KCNT2: variants seen among roughly 807,000 people sequenced by gnomAD.
The protein encoded by KCNT2 is potassium sodium-activated channel subfamily T member 2, also known as potassium channel subfamily T member 2.
KCNT2 carries 67 observed loss-of-function variants against 153.8 expected under a neutral mutation model. The observed-to-expected ratio is 0.44, with a 90% CI of 0.36 to 0.53. KCNT2 has a LOEUF of 0.53. Among genes scored for constraint, KCNT2 ranks in the 20% least tolerant of loss-of-function variants. The pLI is 0.00. For synonymous variants in KCNT2, 500 were observed against 458.8 expected (o/e 1.09, Z -1.15); for missense variants, 975 against 1,354.8 (o/e 0.72, Z 4.40).
At chr1:196,263,149 T>C (rs1657178492) in intron 25 of KCNT2, among the ~76,000 whole-genome samples, 1 of 152,088 alleles carries the variant, frequency 6.6e-6, no homozygotes, top group Admixed American at 6.6e-5. Context: ...CTCTTAGGTA[T>C]CTTTCAGTTC....
chr1:196,493,336 G>T (rs981149360), intron 1 of KCNT2, among the ~76,000 whole-genome samples: 2 of 144,464 alleles, frequency 1.4e-5, no homozygotes, highest in Non-Finnish European at 1.5e-5. Flanking sequence ...TCTTTTTTTT[G>T]GGGGGGAGAT....
At chr1:196,438,896 T>A (rs1317057452) in intron 8 of KCNT2, among the ~76,000 whole-genome samples, 1 of 151,960 alleles carries the variant, frequency 6.6e-6, no homozygotes, top group African/African-American at 2.4e-5. Flanking sequence ...GAATTTTCTC[T>A]TTTTATATTA....
At chr1:196,601,337 G>A (rs1194950039) in intron 1 of KCNT2, among the ~76,000 whole-genome samples, 1 of 152,122 alleles carries the variant, frequency 6.6e-6, no homozygotes, top group Non-Finnish European at 1.5e-5. Context: ...TTATAGCCTA[G>A]CACAACTGTA....
At chr1:196,392,702 G>A (rs1670593718) in intron 13 of KCNT2, among the ~76,000 whole-genome samples, 1 of 151,328 alleles carries the variant, frequency 6.6e-6, no homozygotes, top group African/African-American at 2.4e-5. Context: ...CAAAATGGAT[G>A]ATGGCTAAGC....
chr1:196,547,460 C>T (rs1454674043), intron 1 of KCNT2, among the ~76,000 whole-genome samples: 1 of 151,946 alleles, frequency 6.6e-6, no homozygotes, highest in Non-Finnish European at 1.5e-5. Context: ...TCACAATGTT[C>T]TCATTATAGA....
chr1:196,538,751 C>T (rs988169067), intron 1 of KCNT2, among the ~76,000 whole-genome samples: 63 of 152,138 alleles, frequency 4.1e-4, no homozygotes, highest in Admixed American at 4.1e-3. Flanking sequence ...ATAGCCACCT[C>T]CCTTACACAG....
intron 26 of KCNT2, 40 bp from the exon 27 acceptor site, chr1:196,236,110 T>G (rs1654413747): frequency 1.8e-6 from 2 of 1,101,810 alleles, no homozygotes; most frequent in East Asian, 4.7e-5. Context: ...ATACTGCTTA[T>G]AGAAAATTAC....
chr1:196,236,028 A>T lies in KCNT2; in HGVS notation c.3254T>A (p.Ile1085Asn). 6.2e-7 allele frequency: 1 copy of T among 1,604,934 alleles called. No individual in the cohort carries two copies. The change falls in exon 27 of 28, where the codon ATT becomes AAT. Residue 1085 changes from isoleucine to asparagine, a missense_variant. Physicochemically the swap from Ile to Asn is moderately radical, Grantham distance 149 (BLOSUM62 -3). Around this residue, in one of 6 missense-constraint regions of KCNT2, gnomAD observed 241 missense variants for 271.1 expected, o/e 0.89. Transcript: ENST00000294725. ...DHQSTLSYIL[I>N]NPSPDTRIEL... ...TATTCTGGTATCTGGAGATGGGTTA[A>T]TCAGGATGTAGGAGAGGGTACTTTG...
intron 26 of KCNT2, among the ~76,000 whole-genome samples, chr1:196,245,862 C>T (rs928635559): frequency 6.6e-6 from 1 of 151,974 alleles, no homozygotes; most frequent in Non-Finnish European, 1.5e-5. Flanking sequence ...AAAACAGCAC[C>T]AAAAGGGCAA....
At chr1:196,601,481 T>C (rs1015043732) in intron 1 of KCNT2, among the ~76,000 whole-genome samples, 1 of 152,190 alleles carries the variant, frequency 6.6e-6, no homozygotes, top group African/African-American at 2.4e-5. Flanking sequence ...ATTAGTAGGG[T>C]GTTTAATGTC....
chr1:196,350,836 G>A (rs1258502403), intron 14 of KCNT2, among the ~76,000 whole-genome samples: 1 of 152,020 alleles, frequency 6.6e-6, no homozygotes, highest in Non-Finnish European at 1.5e-5. Flanking sequence ...TATGGTTTTA[G>A]GTCTAACGTT....
chr1:196,241,924 C>T (rs572476261), intron 26 of KCNT2, among the ~76,000 whole-genome samples: 27 of 152,064 alleles, frequency 1.8e-4, no homozygotes, highest in East Asian at 7.7e-4. Flanking sequence ...CAAAAACCAC[C>T]TTGCAATATT....
intron 5 of KCNT2, among the ~76,000 whole-genome samples, chr1:196,472,215 T>C (rs75972569): frequency 2.6e-5 from 4 of 152,270 alleles, no homozygotes; most frequent in African/African-American, 9.6e-5. Context: ...AGCTATTTCA[T>C]ACACACTCTT....
intron 1 of KCNT2, among the ~76,000 whole-genome samples, chr1:196,595,198 G>A (rs1458841383): frequency 6.6e-6 from 1 of 151,858 alleles, no homozygotes; most frequent in African/African-American, 2.4e-5. Context: ...GAAAAAAATA[G>A]TACAAATCTA....
At chr1:196,229,323 T>C (rs1423971235) in intron 27 of KCNT2, among the ~76,000 whole-genome samples, 2 of 152,026 alleles carry the variant, frequency 1.3e-5, no homozygotes, top group Non-Finnish European at 2.9e-5. Context: ...TAATTTTTGA[T>C]GTTCCTATTG....
At chr1:196,244,903 T>G (rs980014792) in intron 26 of KCNT2, among the ~76,000 whole-genome samples, 1 of 152,114 alleles carries the variant, frequency 6.6e-6, no homozygotes, top group Admixed American at 6.5e-5. Context: ...CAAGGCCCCA[T>G]AGTGTGTTGG....
At chr1:196,489,375 C>A (rs7541165) in intron 3 of KCNT2, among the ~76,000 whole-genome samples, 136,969 of 151,624 alleles carry the variant, frequency 0.9, 61,998 homozygotes, top group South Asian at 0.99. Flanking sequence ...AAATAAATGA[C>A]TAAAATTAGG....
At chr1:196,436,951 T>A (rs1171569967) in intron 8 of KCNT2, among the ~76,000 whole-genome samples, 2 of 139,388 alleles carry the variant, frequency 1.4e-5, no homozygotes, top group African/African-American at 2.6e-5. Context: ...AGTAAACATT[T>A]TGGTATGTTT....
chr1:196,568,730 T>C (rs1205724758), intron 1 of KCNT2, among the ~76,000 whole-genome samples: 2 of 151,586 alleles, frequency 1.3e-5, no homozygotes, highest in African/African-American at 4.8e-5. Flanking sequence ...CAGACCAGTA[T>C]TGGTCAGTGG....
Sources: gnomAD v4.1 joint callset for allele counts (sites outside exome capture counted in the v4.1 genomes callset) on GRCh38, gnomAD v4.1.1 for gene constraint, gnomAD v4.1.1 regional missense constraint, MANE v1.5 for transcripts, NCBI Gene and HGNC (gene_info 2026-07-23, HGNC 2026-07-21) for gene names.